Variants in DRC11 observed in about 807,000 individuals in gnomAD.
The protein encoded by DRC11 is dynein regulatory complex subunit 11.
the DRC11 span, among the ~76,000 whole-genome samples, chr2:236,450,340 G>A: frequency 1.1e-5 from 1 of 87,830 alleles, no homozygotes; most frequent in African/African-American, 4.5e-5. Flanking sequence ...TTTTTTTTGA[G>A]ACGGGGTCTC....
the DRC11 span, among the ~76,000 whole-genome samples, chr2:236,357,059 T>C: frequency 4.0e-5 from 3 of 74,958 alleles, no homozygotes; most frequent in African/African-American, 1.3e-4. Context: ...TATATCTATT[T>C]ATATATTCAT....
chr2:236,309,478 T>C, the DRC11 span, among the ~76,000 whole-genome samples: 3 of 151,542 alleles, frequency 2.0e-5, no homozygotes, highest in African/African-American at 4.9e-5. The surrounding 1 kb of genome is among the most constrained non-coding windows in gnomAD (Gnocchi z 5.7). Flanking sequence ...ATTTGCAGAG[T>C]GGGTGGGAAG....
chr2:236,401,651 G>C, the DRC11 span, among the ~76,000 whole-genome samples: 6 of 152,118 alleles, frequency 3.9e-5, no homozygotes, highest in Admixed American at 1.3e-4. The surrounding 1 kb of genome is among the most constrained non-coding windows in gnomAD (Gnocchi z 4.6). Context: ...CCTAGGCTGA[G>C]AGCGTGAAGT....
the DRC11 span, among the ~76,000 whole-genome samples, chr2:236,456,767 T>C: frequency 1.3e-5 from 2 of 152,178 alleles, no homozygotes; most frequent in South Asian, 4.1e-4. The surrounding 1 kb of genome is among the most constrained non-coding windows in gnomAD (Gnocchi z 5.4). Context: ...ATGAGCTGGA[T>C]GTCAGGCATA....
chr2:236,479,015 G>A, the DRC11 span, among the ~76,000 whole-genome samples: 1 of 151,964 alleles, frequency 6.6e-6, no homozygotes, highest in South Asian at 2.1e-4. The surrounding 1 kb of genome is among the most constrained non-coding windows in gnomAD (Gnocchi z 4.1). Context: ...AGTAGAGGCG[G>A]GGTTTCAACA....
At chr2:236,441,239 C>A in the DRC11 span, 1 of 719,824 alleles carries the variant, frequency 1.4e-6, no homozygotes. Context: ...GTGGAGGGTT[C>A]CCTGTAGATC....
the DRC11 span, among the ~76,000 whole-genome samples, chr2:236,478,031 G>GTGTGTGTT: frequency 6.8e-6 from 1 of 148,112 alleles, no homozygotes; most frequent in Admixed American, 6.7e-5. This position sits in a 1 kb window ranked among gnomAD's most constrained non-coding sequence, Gnocchi z 5.9. Flanking sequence ...GTGTGTGTGT[G>GTGTGTGTT]TTTTAGTCTC....
the DRC11 span, among the ~76,000 whole-genome samples, chr2:236,445,032 G>C: frequency 6.6e-6 from 1 of 152,196 alleles, no homozygotes; most frequent in Non-Finnish European, 1.5e-5. This position sits in a 1 kb window ranked among gnomAD's most constrained non-coding sequence, Gnocchi z 4.8. Flanking sequence ...GGCTTAGAGA[G>C]AAACCATGAA....
the DRC11 span, chr2:236,488,067 G>A: frequency 1.2e-6 from 2 of 1,607,836 alleles, no homozygotes; most frequent in Admixed American, 1.7e-5. Flanking sequence ...GGATTGCTTT[G>A]CTCTATATTC....
At chr2:236,414,667 AG>A in the DRC11 span, among the ~76,000 whole-genome samples, 1 of 152,112 alleles carries the variant, frequency 6.6e-6, no homozygotes, top group African/African-American at 2.4e-5. Context: ...CCTGAGCTGA[AG>A]ACGAACATCC....
At chr2:236,406,543 G>T in the DRC11 span, among the ~76,000 whole-genome samples, 1 of 152,122 alleles carries the variant, frequency 6.6e-6, no homozygotes, top group East Asian at 1.9e-4. The surrounding 1 kb of genome is among the most constrained non-coding windows in gnomAD (Gnocchi z 4.7). Flanking sequence ...ATCCTGGGGT[G>T]GGGGAGAGGT....
At chr2:236,484,379 A>G in the DRC11 span, among the ~76,000 whole-genome samples, 2 of 152,364 alleles carry the variant, frequency 1.3e-5, no homozygotes, top group South Asian at 2.1e-4. Flanking sequence ...GACATAAAAC[A>G]CATGTTTATT....
At chr2:236,343,099 G>A in the DRC11 span, among the ~76,000 whole-genome samples, 1 of 152,132 alleles carries the variant, frequency 6.6e-6, no homozygotes, top group East Asian at 1.9e-4. The surrounding 1 kb of genome is among the most constrained non-coding windows in gnomAD (Gnocchi z 6.6). Flanking sequence ...GGTTCCGCAG[G>A]CTCGGCTGCT....
the DRC11 span, among the ~76,000 whole-genome samples, chr2:236,398,811 C>G: frequency 2.2e-4 from 34 of 152,188 alleles, no homozygotes; most frequent in Non-Finnish European, 4.6e-4. This position sits in a 1 kb window ranked among gnomAD's most constrained non-coding sequence, Gnocchi z 6.2. Flanking sequence ...TTTGACTACA[C>G]ATACAGTATC....
the DRC11 span, among the ~76,000 whole-genome samples, chr2:236,503,921 G>A: frequency 1.3e-5 from 2 of 152,146 alleles, no homozygotes; most frequent in African/African-American, 2.4e-5. The surrounding 1 kb of genome is among the most constrained non-coding windows in gnomAD (Gnocchi z 4.9). Flanking sequence ...GACAAGAGAG[G>A]CGGCAAGATG....
At chr2:236,438,926 G>A in the DRC11 span, among the ~76,000 whole-genome samples, 151 of 149,756 alleles carry the variant, frequency 1.0e-3, 1 homozygote, top group South Asian at 3.9e-3. Flanking sequence ...ACTCAAAACC[G>A]CTCAACTACA....
chr2:236,480,425 A>ATTCT, the DRC11 span, among the ~76,000 whole-genome samples: 3 of 151,626 alleles, frequency 2.0e-5, no homozygotes, highest in African/African-American at 7.3e-5. Context: ...ATTCCTTTTC[A>ATTCT]TTCTTTTTTT....
At chr2:236,472,263 C>T in the DRC11 span, among the ~76,000 whole-genome samples, 2 of 152,154 alleles carry the variant, frequency 1.3e-5, no homozygotes, top group Admixed American at 6.5e-5. The surrounding 1 kb of genome is among the most constrained non-coding windows in gnomAD (Gnocchi z 4.6). Flanking sequence ...AAACTTTTTG[C>T]TGGTGCAACA....
At chr2:236,347,224 C>T in the DRC11 span, among the ~76,000 whole-genome samples, 1 of 152,128 alleles carries the variant, frequency 6.6e-6, no homozygotes, top group Non-Finnish European at 1.5e-5. Context: ...GGCCTTGCCA[C>T]TAGGATTTTA....
Sources: gnomAD v4.1 joint callset for allele counts (sites outside exome capture counted in the v4.1 genomes callset) on GRCh38, gnomAD v4.1.1 for gene constraint, Gnocchi (gnomAD v3.1) non-coding constraint, MANE v1.5 for transcripts, NCBI Gene and HGNC (gene_info 2026-07-23, HGNC 2026-07-21) for gene names.